PIM2: variants seen among roughly 807,000 people sequenced by gnomAD.
The protein encoded by PIM2 is Pim-2 proto-oncogene, serine/threonine kinase.
A neutral mutation model predicts 18.0 loss-of-function variants in PIM2; 3 were observed. The ratio of observed to expected loss-of-function variants is 0.17; its 90% CI spans 0.08 to 0.43. The LOEUF (loss-of-function observed/expected upper bound fraction) is 0.43. PIM2 is among the 20% of genes least tolerant of loss of function. The probability of loss-of-function intolerance (pLI) is 0.99; values close to 1 mark genes in which losing one functional copy is unlikely to be tolerated. For missense variants in PIM2, 181 were observed against 260.8 expected, an observed-to-expected ratio of 0.69 and a Z score of 2.11; for synonymous variants, 117 against 105.3, an observed-to-expected ratio of 1.11 and a Z score of -0.68.
At chrX:48,914,942 A>ACC in intron 4 of PIM2, 78 bp downstream of exon 4, 4 of 916,387 alleles carry the variant, frequency 4.4e-6, no homozygotes, top group Non-Finnish European at 6.1e-6. Flanking sequence ...ATTACAGGAC[A>ACC]CCCCACCACT....
At position 48,915,479 on chromosome X, in the gene PIM2, C is replaced by T. The variant is rs1413270399; in HGVS notation, c.223-87G>A. ...TCTGAGGCTTTTTACCTAAGCTCAA[C>T]TCAGGGCCCCTTTTCCTGACAGTGT... On this transcript the variant is annotated intron_variant, in intron 3 of 5. Coordinates refer to ENST00000376509, the MANE Select transcript of PIM2 (RefSeq NM_006875.4). 5.4e-6 allele frequency: 5 copies of T among 924,924 alleles called. No homozygotes were observed. The East Asian group carries it at 1.7e-4, about 31-fold the overall frequency. The allele number at this position is 924,924 out of a possible 1,213,427, so 76.2% of individuals were successfully genotyped here. A position where few individuals can be genotyped will look rare whatever the true frequency, so the allele number is the denominator to read the frequency against.
chrX:48,917,963 C>A (rs2063567775), intron 2 of PIM2, 132 bp from the exon 3 acceptor site: 3 of 524,789 alleles, frequency 5.7e-6, no homozygotes, highest in Non-Finnish European at 1.0e-5. Flanking sequence ...ACCACAGCAC[C>A]CCACAGAACG....
Position 48,914,435 on chromosome X carries a change from A to T in PIM2, c.732T>A (p.Ile244=). The change falls in exon 5 of 6, where the codon ATT becomes ATA. Residue 244 remains isoleucine (I), a synonymous_variant. Coordinates refer to ENST00000376509, the MANE Select transcript of PIM2 (RefSeq NM_006875.4). The part of the protein sequence containing the change: ...GDIPFERDQE[I]LEAELHFPAH... ...CTGGGAAGTGGAGCTCAGCTTCCAG[A>T]ATCTCCTGGTCCCTCTCAAAGGGAA... 8.3e-7 allele frequency: 1 copy of T among 1,210,733 alleles called. No individual in the cohort carries two copies. Among genetic ancestry groups the T allele is most frequent in the East Asian group, 3.0e-5 (1 of 33,814 alleles).
In PIM2 at chrX:48,916,637, C is replaced by G. The variant is rs1472427483; in HGVS notation, c.222+1144G>C. Among the ~76,000 whole-genome samples, 5 of 111,455 alleles carry G rather than the reference C, an allele frequency of 4.5e-5. No individual in the cohort carries two copies. The Admixed American group carries it at 4.7e-4, about 11-fold the overall frequency. On this transcript the variant is annotated intron_variant, in intron 3 of 5. Transcript: ENST00000376509. ...GCCCAAGGCGGGCAGATCACTAGGTCAGGGGTTCGAGACCAGCCTGGCCAA... is the reference window on the plus strand; with the variant it reads ...GCCCAAGGCGGGCAGATCACTAGGTGAGGGGTTCGAGACCAGCCTGGCCAA...
Position 48,913,924 on chromosome X carries a change from G to C in PIM2, c.*207C>G, listed in dbSNP as rs895449658. ...AGGGACCACAGGTTCTGGGAGGAAG[G>C]CTCCTTTGTAGGATTGGGAAGGGAA... On this transcript the variant is annotated 3_prime_UTR_variant, in exon 6 of 6. Transcript: ENST00000376509. 1.2e-5 allele frequency: 4 copies of C among 339,673 alleles called. No individual in the cohort carries two copies. The highest frequency in any genetic ancestry group is 8.2e-5 in the African/African-American group (3 of 36,506). 28.0% of individuals were successfully genotyped at this position (339,673 alleles called of 1,213,427 possible).
intron 3 of PIM2, among the ~76,000 whole-genome samples, chrX:48,916,957 C>A (rs1239909134): frequency 1.8e-5 from 2 of 110,595 alleles, no homozygotes; most frequent in Admixed American, 9.6e-5. Context: ...CAGTTCAAAA[C>A]CCGCCTGGCC....
rs1015483876 is a variant in PIM2 at position 48,915,153 on chromosome X, G to A, written c.462C>T (p.Cys154=). 1.2e-5 allele frequency: 15 copies of A among 1,211,033 alleles called. No individual in the cohort carries two copies. The African/African-American group carries it at 2.6e-4, about 21-fold the overall frequency. The change falls in exon 4 of 6, where the codon TGC becomes TGT. Residue 154 remains cysteine (C), a synonymous_variant. Transcript: ENST00000376509. ...CACGATGGACAACTCCACGGGAATGGCAGTGCTGGATGGCTGCCACTACTT... is the reference window on the plus strand; with the variant it reads ...CACGATGGACAACTCCACGGGAATGACAGTGCTGGATGGCTGCCACTACTT... ...FGQVVAAIQH[C]HSRGVVHRDI... is the part of the protein sequence containing the mutation.
intron 3 of PIM2, among the ~76,000 whole-genome samples, chrX:48,916,959 C>T (rs1217494885): frequency 9.4e-6 from 1 of 105,983 alleles, no homozygotes; most frequent in Non-Finnish European, 2.0e-5. Context: ...GTTCAAAACC[C>T]GCCTGGCCAA....
chrX:48,917,033 T>C (rs1301526241), intron 3 of PIM2, among the ~76,000 whole-genome samples: 1 of 109,600 alleles, frequency 9.1e-6, no homozygotes, highest in African/African-American at 3.3e-5. Flanking sequence ...TGCGCTCCTG[T>C]AGTCCCAGCT....
chrX:48,914,666 G>A (rs2063558236), intron 4 of PIM2, 95 bp from the exon 5 acceptor site: 2 of 753,429 alleles, frequency 2.7e-6, no homozygotes, highest in Non-Finnish European at 3.8e-6. Context: ...ACAATTAAGA[G>A]CACTCAAGAT....
chrX:48,918,588 T>C lies in PIM2; in HGVS notation c.119A>G (p.Lys40Arg), dbSNP rs2063570018. The C allele has an allele frequency of 1.7e-6, 2 of 1,203,052 alleles. No homozygotes were observed. Among genetic ancestry groups the C allele is most frequent in the Non-Finnish European group, 2.2e-6 (2 of 891,324 alleles). The change falls in exon 2 of 6, where the codon AAG becomes AGG. Residue 40 changes from lysine (K) to arginine (R), a missense_variant. By Grantham distance (26) the Lys-to-Arg change is conservative. Around this residue, in one of 5 missense-constraint regions of PIM2, gnomAD observed 104 missense variants for 125.3 expected, o/e 0.83. Transcript: ENST00000376509. Reference sequence around the variant, plus strand: ...TGCGAAGACGGTGCCAAAGCCCCCCTTACCCAGGAGGGGGCCGAGTCGATA... The same window carrying C: ...TGCGAAGACGGTGCCAAAGCCCCCCCTACCCAGGAGGGGGCCGAGTCGATA... Reference protein sequence around the residue: ...AEYRLGPLLGKGGFGTVFAGH... With the variant: ...AEYRLGPLLGRGGFGTVFAGH...
At chrX:48,915,881 C>T (rs1181051815) in intron 3 of PIM2, 1 of 114,458 alleles carries the variant, frequency 8.7e-6, no homozygotes, top group Non-Finnish European at 1.8e-5. Flanking sequence ...CACCACTGCA[C>T]TCCAGCTGTC....
Position 48,918,565 on chromosome X carries a change from C to A in PIM2, c.142G>T (p.Ala48Ser). ...AGTCGATCTGTGAGGCGGTGTCCTG[C>A]GAAGACGGTGCCAAAGCCCCCCTTA... ...LGKGGFGTVF[A>S]GHRLTDRLQV... is the part of the protein sequence containing the mutation. Residue 48 changes from alanine (A) to serine (S), a missense_variant, in exon 2 of 6, where the codon GCA becomes TCA. This residue lies in a region of PIM2 where 104 missense variants were observed against 125.3 expected (regional missense o/e 0.83). Coordinates refer to ENST00000376509, the MANE Select transcript of PIM2 (RefSeq NM_006875.4). The A allele has an allele frequency of 1.7e-6, 2 of 1,206,380 alleles. No individual in the cohort carries two copies. Among genetic ancestry groups the A allele is most frequent in the Non-Finnish European group, 1.1e-6 (1 of 891,786 alleles).
chrX:48,918,555 C>T lies in PIM2; in HGVS notation c.152G>A (p.Arg51His). 8.3e-7 allele frequency: 1 copy of T among 1,202,351 alleles called. No homozygotes were observed. The highest frequency in any genetic ancestry group is 1.1e-6 in the Non-Finnish European group (1 of 888,265). The change falls in exon 2 of 6, where the codon CGC (arginine) becomes CAC (histidine). Residue 51 changes from arginine to histidine, a missense_variant. This residue lies in a region of PIM2 where 104 missense variants were observed against 125.3 expected (regional missense o/e 0.83). Coordinates refer to ENST00000376509, the MANE Select transcript of PIM2 (RefSeq NM_006875.4). ...GGFGTVFAGH[R>H]LTDRLQVAIK... ...GGATACCTGGAGTCGATCTGTGAGG[C>T]GGTGTCCTGCGAAGACGGTGCCAAA...
chrX:48,913,490 TG>T lies in PIM2; in HGVS notation c.*640del, dbSNP rs1390550072. The T allele has an allele frequency of 3.1e-5, 3 of 97,232 alleles. No individual in the cohort carries two copies. Among genetic ancestry groups the T allele is most frequent in the African/African-American group, 1.2e-4 (3 of 25,533 alleles). The allele number at this position is 97,232 out of a possible 1,213,427, so 8.0% of individuals were successfully genotyped here. On this transcript the variant is annotated 3_prime_UTR_variant, in exon 6 of 6. Transcript: ENST00000376509. Reference sequence around the variant, plus strand: ...CCATCTTCCATTCCTTCCCAAATTATGGAAGTAAGGTTCTTCTCACCAGAAT... The same window carrying T: ...CCATCTTCCATTCCTTCCCAAATTATGAAGTAAGGTTCTTCTCACCAGAAT...
chrX:48,913,646 C>T lies in PIM2; in HGVS notation c.*485G>A, dbSNP rs2063554689. ...ATCCTGGGCTGAGGCAGGTAAGCAG[C>T]TTGACCCAATATGGGACCCTAGGCT... On this transcript the variant is annotated 3_prime_UTR_variant, in exon 6 of 6. Transcript: ENST00000376509. 1 of 108,296 alleles carries T rather than the reference C, an allele frequency of 9.2e-6. No homozygotes were observed. Among genetic ancestry groups the T allele is most frequent in the South Asian group, 4.1e-4 (1 of 2,458 alleles). 8.9% of individuals were successfully genotyped at this position (108,296 alleles called of 1,213,427 possible). A position where few individuals can be genotyped will look rare whatever the true frequency, so the allele number is the denominator to read the frequency against.
At chrX:48,917,303 C>A (rs1557045352) in intron 3 of PIM2, among the ~76,000 whole-genome samples, 1 of 111,688 alleles carries the variant, frequency 9.0e-6, no homozygotes, top group Admixed American at 9.4e-5. Flanking sequence ...CGGCAGCAGA[C>A]GTTTTCTCAC....
In PIM2 at chrX:48,914,105, G is replaced by A. The variant is rs201532142; in HGVS notation, c.*26C>T. ...CCATGGGATGGCTCTTCTGACCATTGGGGGCCAGGCCAGGCCAGGCCAGGC... is the reference window on the plus strand; with the variant it reads ...CCATGGGATGGCTCTTCTGACCATTAGGGGCCAGGCCAGGCCAGGCCAGGC... On this transcript the variant is annotated 3_prime_UTR_variant, in exon 6 of 6. Coordinates refer to ENST00000376509, the MANE Select transcript of PIM2 (RefSeq NM_006875.4). 4 of 967,407 alleles carry A rather than the reference G, an allele frequency of 4.1e-6. No homozygotes were observed. In the African/African-American group the frequency reaches 6.0e-5, roughly 15 times the overall value. 79.7% of individuals were successfully genotyped at this position (967,407 alleles called of 1,213,427 possible). A position where few individuals can be genotyped will look rare whatever the true frequency, so the allele number is the denominator to read the frequency against.
At chrX:48,915,653 C>T (rs2063561234) in intron 3 of PIM2, 1 of 305,746 alleles carries the variant, frequency 3.3e-6, no homozygotes, top group Non-Finnish European at 5.7e-6. Context: ...GAAAGAAGTT[C>T]GGCCAGGCAC....
Sources: gnomAD v4.1 joint callset for allele counts (sites outside exome capture counted in the v4.1 genomes callset) on GRCh38, gnomAD v4.1.1 for gene constraint, gnomAD v4.1.1 regional missense constraint, MANE v1.5 for transcripts, NCBI Gene and HGNC (gene_info 2026-07-23, HGNC 2026-07-21) for gene names.